Variants in CSMD1 observed in about 807,000 individuals in gnomAD.
CSMD1 encodes the protein CUB and Sushi multiple domains 1.
In CSMD1, 213 loss-of-function variants were observed where a neutral mutation model predicts 417.5. That is an observed-to-expected ratio of 0.51 (90% CI 0.46 to 0.57). The LOEUF is 0.57. Ranked by LOEUF, CSMD1 falls within the 20% of genes least tolerant of loss-of-function variation. The probability of loss-of-function intolerance (pLI) is 0.00; values close to 1 mark genes in which losing one functional copy is unlikely to be tolerated. For synonymous variants in CSMD1, 2,862 were observed against 1,736.8 expected (o/e 1.65, Z -16.11); for missense variants, 6,923 against 4,529.7 (o/e 1.53, Z -15.17).
chr8:2,982,488 C>T (rs567942337), intron 54 of CSMD1, among the ~76,000 whole-genome samples: 4 of 152,290 alleles, frequency 2.6e-5, no homozygotes, highest in Admixed American at 6.5e-5. Context: ...GTTAAGTGAA[C>T]GTACTGATCG....
At chr8:4,170,873 C>T (rs1797727968) in intron 3 of CSMD1, among the ~76,000 whole-genome samples, 1 of 151,874 alleles carries the variant, frequency 6.6e-6, no homozygotes, top group Admixed American at 6.5e-5. Flanking sequence ...TTACTCCTTT[C>T]CACCCTGCAA....
intron 5 of CSMD1, among the ~76,000 whole-genome samples, chr8:3,979,765 G>C (rs954866833): frequency 9.2e-5 from 14 of 152,198 alleles, no homozygotes; most frequent in Admixed American, 2.6e-4. Context: ...TGAGAAATAA[G>C]TGTGTGTTAT....
Position 4,569,735 on chromosome 8 carries a change from T to C in CSMD1, c.302+67607A>G, listed in dbSNP as rs1798792783. Among the ~76,000 whole-genome samples, 2 of 152,222 alleles carry C rather than the reference T, an allele frequency of 1.3e-5. 1 individual carries two copies. Among genetic ancestry groups the C allele is most frequent in the South Asian group, 4.1e-4 (2 of 4,832 alleles). On this transcript the variant is annotated intron_variant, in intron 2 of 69. Coordinates refer to ENST00000635120, the MANE Select transcript of CSMD1 (RefSeq NM_033225.6). The stretch of plus-strand genomic sequence containing the variant: ...AATCTATATATTACTTTGGGCAGTA[T>C]GGCCATTTTCACAATATTGATTCTT...
rs767147296 is a variant in CSMD1, at chr8:3,846,398, G to GAGTTCAC, written c.819-92357_819-92356insGTGAACT. 2.6e-3 allele frequency among the ~76,000 whole-genome samples: 392 copies of GAGTTCAC among 152,218 alleles called. 1 individual carries two copies. Among genetic ancestry groups the GAGTTCAC allele is most frequent in the Middle Eastern group, 6.8e-3 (2 of 294 alleles). Reference sequence around the variant, plus strand: ...GGTGCATGACTCTACATGTGAAATAGATAAACATATGTAAGTTTTGATTAG... The same window carrying GAGTTCAC: ...GGTGCATGACTCTACATGTGAAATAGAGTTCACATAAACATATGTAAGTTTTGATTAG... On this transcript the variant is annotated intron_variant, in intron 5 of 69. Coordinates refer to ENST00000635120, the MANE Select transcript of CSMD1 (RefSeq NM_033225.6).
At chr8:4,790,259 G>A (rs901054611) in intron 1 of CSMD1, among the ~76,000 whole-genome samples, 3 of 152,002 alleles carry the variant, frequency 2.0e-5, no homozygotes, top group Non-Finnish European at 2.9e-5. Flanking sequence ...AAATAACTAG[G>A]AATACAGCTA....
chr8:3,563,163 C>G (rs1799543102), intron 10 of CSMD1, among the ~76,000 whole-genome samples: 2 of 151,892 alleles, frequency 1.3e-5, no homozygotes, highest in Admixed American at 1.3e-4. Flanking sequence ...ATGTATTTGG[C>G]ACTGTGTGAC....
At chr8:3,149,098 T>A (rs1295443394) in intron 40 of CSMD1, among the ~76,000 whole-genome samples, 3 of 152,212 alleles carry the variant, frequency 2.0e-5, no homozygotes, top group Non-Finnish European at 4.4e-5. Flanking sequence ...AGTCTTTCTT[T>A]AAATAGTTTG....
intron 5 of CSMD1, among the ~76,000 whole-genome samples, chr8:3,965,054 G>C (rs575529807): frequency 6.6e-6 from 1 of 152,134 alleles, no homozygotes. Context: ...TAAATATTGA[G>C]ATAAAATCCA....
chr8:4,804,988 C>G (rs188754385), intron 1 of CSMD1, among the ~76,000 whole-genome samples: 2 of 152,062 alleles, frequency 1.3e-5, no homozygotes, highest in African/African-American at 4.8e-5. Context: ...CTGGTAAACA[C>G]ATAGGATTAA....
chr8:4,358,650 T>G (rs73508609), intron 3 of CSMD1, among the ~76,000 whole-genome samples: 6,164 of 152,308 alleles, frequency 0.04, 312 homozygotes, highest in African/African-American at 0.11. Context: ...TATGAATTCC[T>G]TTTAGTGCTA....
chr8:4,742,631 A>G (rs1810699045), intron 1 of CSMD1, among the ~76,000 whole-genome samples: 1 of 152,132 alleles, frequency 6.6e-6, no homozygotes, highest in Non-Finnish European at 1.5e-5. Flanking sequence ...TGCTTCTATT[A>G]TGCTTGGAAT....
At chr8:3,300,725 G>C (rs1804326499) in intron 25 of CSMD1, among the ~76,000 whole-genome samples, 1 of 152,084 alleles carries the variant, frequency 6.6e-6, no homozygotes, top group African/African-American at 2.4e-5. Context: ...GGGAGGACGA[G>C]GCGGGCAGAT....
intron 12 of CSMD1, among the ~76,000 whole-genome samples, chr8:3,436,856 G>A (rs939660172): frequency 4.6e-5 from 7 of 152,156 alleles, no homozygotes; most frequent in Admixed American, 3.3e-4. Context: ...TATGATTCGG[G>A]ATTATTAGAG....
At chr8:4,067,755 A>C (rs1041086109) in intron 3 of CSMD1, among the ~76,000 whole-genome samples, 1 of 152,154 alleles carries the variant, frequency 6.6e-6, no homozygotes, top group Non-Finnish European at 1.5e-5. Context: ...TTGGACAACT[A>C]ATTGTATGAA....
At chr8:3,582,040 C>G (rs907037538) in intron 9 of CSMD1, among the ~76,000 whole-genome samples, 1 of 152,176 alleles carries the variant, frequency 6.6e-6, no homozygotes, top group African/African-American at 2.4e-5. Context: ...GGTGATCTGC[C>G]TGCCTTGGCC....
At chr8:3,462,135 CCTCCCAG>C (rs1372422804) in intron 12 of CSMD1, among the ~76,000 whole-genome samples, 2 of 143,084 alleles carry the variant, frequency 1.4e-5, no homozygotes, top group African/African-American at 5.3e-5. Context: ...CCCCCCCCCA[CCTCCCAG>C]CTGCTCGGGA....
intron 10 of CSMD1, among the ~76,000 whole-genome samples, chr8:3,556,415 T>TATATATATATATACACATA (rs1799148435): frequency 3.7e-4 from 21 of 57,102 alleles, no homozygotes; most frequent in African/African-American, 1.3e-3. Flanking sequence ...ATATATATAT[T>TATATATATATATACACATA]CACACACACA....
At chr8:4,456,163 T>C (rs537110057) in intron 2 of CSMD1, among the ~76,000 whole-genome samples, 5 of 151,872 alleles carry the variant, frequency 3.3e-5, no homozygotes, top group South Asian at 2.1e-4. Flanking sequence ...GTGGTCCCTG[T>C]CTTTTGGAAA....
chr8:4,046,252 T>C (rs1490460943), intron 3 of CSMD1, among the ~76,000 whole-genome samples: 1 of 152,214 alleles, frequency 6.6e-6, no homozygotes, highest in Non-Finnish European at 1.5e-5. Context: ...CATTATCTTT[T>C]ATTTCTAATT....
Sources: gnomAD v4.1 joint callset for allele counts (sites outside exome capture counted in the v4.1 genomes callset) on GRCh38, gnomAD v4.1.1 for gene constraint, MANE v1.5 for transcripts, NCBI Gene and HGNC (gene_info 2026-07-23, HGNC 2026-07-21) for gene names.